Variants in FAM83G observed in about 807,000 individuals in gnomAD.
FAM83G encodes the protein protein FAM83G.
FAM83G carries 38 observed loss-of-function variants against 61.5 expected under a neutral mutation model. The observed-to-expected ratio is 0.62, with a 90% CI of 0.48 to 0.81. The LOEUF (loss-of-function observed/expected upper bound fraction) is 0.81. Among genes scored for constraint, FAM83G ranks in the 30% least tolerant of loss-of-function variants. The pLI is 0.00. For missense variants in FAM83G, 989 were observed against 1,133.6 expected, an observed-to-expected ratio of 0.87 and a Z score of 1.83; for synonymous variants, 470 against 476.1, an observed-to-expected ratio of 0.99 and a Z score of 0.17.
In FAM83G at chr17:18,971,508, C is replaced by A. The variant is rs1187543761; in HGVS notation, c.2323G>T (p.Ala775Ser). 1.2e-6 allele frequency: 2 copies of A among 1,614,004 alleles called. No individual in the cohort carries two copies. Among genetic ancestry groups the A allele is most frequent in the East Asian group, 2.2e-5 (1 of 44,878 alleles). ...QNARPMTDGRATEEHPSPFGI... is the reference protein window; with the variant it reads ...QNARPMTDGRSTEEHPSPFGI... ...AAGGGACTCGGATGCTCCTCGGTGG[C>A]CCTGCCATCGGTCATGGGGCGGGCA... is the stretch of plus-strand genomic sequence containing the variant. The change falls in exon 6 of 6, where the codon GCC becomes TCC. Residue 775 changes from alanine (A) to serine (S), a missense_variant. By Grantham distance (99) the Ala-to-Ser change is moderately conservative (BLOSUM62 1). Transcript: ENST00000388995. This position sits in a 1 kb window ranked among gnomAD's most constrained non-coding sequence, Gnocchi z 5.5.
chr17:18,971,175 TTG>T lies in FAM83G; in HGVS notation c.*182_*183del. 1 of 1,614,044 alleles carries T rather than the reference TTG, an allele frequency of 6.2e-7. No homozygotes were observed. Among genetic ancestry groups the T allele is most frequent in the Non-Finnish European group, 8.5e-7 (1 of 1,180,032 alleles). On this transcript the variant is annotated 3_prime_UTR_variant, in exon 6 of 6. Transcript: ENST00000388995. This position sits in a 1 kb window ranked among gnomAD's most constrained non-coding sequence, Gnocchi z 5.5. ...GACCTGCCGTGGACCGGGATGACCT[TTG>T]GCCTGACCATCATGGCCACCTGGTA...
Position 18,977,896 on chromosome 17 carries a change from G to A in FAM83G, c.1770C>T (p.Leu590=), listed in dbSNP as rs775766698. 2.5e-6 allele frequency: 4 copies of A among 1,610,892 alleles called. No individual in the cohort carries two copies. Among genetic ancestry groups the A allele is most frequent in the Admixed American group, 1.7e-5 (1 of 60,010 alleles). ...TGCCTGAGTGGCTGTCCTGGTCACT[G>A]AGGGTTACGTAGTCGTCATCATCTT... The part of the protein sequence containing the change: ...EEEDDDDYVT[L]SDQDSHSGSS... The change falls in exon 5 of 6, where the codon CTC becomes CTT. Residue 590 remains leucine (L), a synonymous_variant. Coordinates refer to ENST00000388995, the MANE Select transcript of FAM83G (RefSeq NM_001039999.3).
chr17:18,991,513 G>C (rs892439211), intron 2 of FAM83G, among the ~76,000 whole-genome samples: 2 of 152,170 alleles, frequency 1.3e-5, no homozygotes, highest in Non-Finnish European at 2.9e-5. Flanking sequence ...GGAAATGAGA[G>C]GGGAGGCTGA....
At chr17:18,981,906 G>A (rs1231473885) in intron 3 of FAM83G, among the ~76,000 whole-genome samples, 2 of 152,210 alleles carry the variant, frequency 1.3e-5, no homozygotes, top group African/African-American at 4.8e-5. Context: ...CAAAGATCCT[G>A]GAGGTGGTAC....
At position 18,971,054 on chromosome 17, in the gene FAM83G, T is replaced by G. The variant is rs575765388; in HGVS notation, c.*305A>C. On this transcript the variant is annotated 3_prime_UTR_variant, in exon 6 of 6. Transcript: ENST00000388995. This position sits in a 1 kb window ranked among gnomAD's most constrained non-coding sequence, Gnocchi z 5.5. ...TGGTTACGGGCAGCTGGAGGCAGCC[T>G]ACGCCCAGGCCATTCCCTCCAGGAC... 3.0e-5 allele frequency: 49 copies of G among 1,613,998 alleles called. No homozygotes were observed. In the East Asian group the frequency reaches 1.0e-3, roughly 34 times the overall value.
In FAM83G at chr17:18,988,103, G is replaced by A. The variant is rs1323465649; in HGVS notation, c.690+144C>T. On this transcript the variant is annotated intron_variant, in intron 3 of 5. Transcript: ENST00000388995. ...GAATTCAAGCAGTGGCTATGTGACTGCTTGGCAGGAGGCTCTAGGATTACT... is the reference window on the plus strand; with the variant it reads ...GAATTCAAGCAGTGGCTATGTGACTACTTGGCAGGAGGCTCTAGGATTACT... The A allele has an allele frequency of 3.1e-6, 4 of 1,271,736 alleles. No homozygotes were observed. In the African/African-American group the frequency reaches 4.5e-5, roughly 14 times the overall value. 78.8% of individuals were successfully genotyped at this position (1,271,736 alleles called of 1,614,324 possible).
At position 18,987,442 on chromosome 17, in the gene FAM83G, A is replaced by G. The variant is rs141359735; in HGVS notation, c.690+805T>C. Among the ~76,000 whole-genome samples the G allele has an allele frequency of 2.8e-4, 42 of 152,342 alleles. No individual in the cohort carries two copies. In the East Asian group the frequency reaches 7.9e-3, roughly 29 times the overall value. ...TCATCACGCACGCTCATCTGCTCTC[A>G]GGGAAATGCTCTGCACGCAGCAGGT... On this transcript the variant is annotated intron_variant, in intron 3 of 5. Transcript: ENST00000388995.
At chr17:18,993,103 C>CCA (rs2043469928) in intron 2 of FAM83G, among the ~76,000 whole-genome samples, 1 of 152,168 alleles carries the variant, frequency 6.6e-6, no homozygotes, top group Non-Finnish European at 1.5e-5. Flanking sequence ...TGGTGGGAAA[C>CCA]CACGGGTGCA....
In FAM83G at chr17:18,968,967, G is replaced by C. The variant is rs936334519; in HGVS notation, c.*2392C>G. 4.5e-6 allele frequency: 6 copies of C among 1,341,726 alleles called. No homozygotes were observed. The highest frequency in any genetic ancestry group is 2.2e-5 in the Admixed American group (1 of 45,052). 83.1% of individuals were successfully genotyped at this position (1,341,726 alleles called of 1,614,324 possible). On this transcript the variant is annotated 3_prime_UTR_variant, in exon 6 of 6. Transcript: ENST00000388995. This position sits in a 1 kb window ranked among gnomAD's most constrained non-coding sequence, Gnocchi z 4.1. ...TATCCACAGGCCACCGAGGCCCAGA[G>C]AGGGCCTTGCCCGAGGTCACCCAGG...
intron 3 of FAM83G, among the ~76,000 whole-genome samples, chr17:18,983,825 C>A (rs2043197148): frequency 6.6e-6 from 1 of 152,178 alleles, no homozygotes; most frequent in Non-Finnish European, 1.5e-5. Context: ...AGGGGCAGGG[C>A]CAGCCTAGCT....
Position 18,968,950 on chromosome 17 carries a change from G to C in FAM83G, c.*2409C>G. 3 of 1,127,646 alleles carry C rather than the reference G, an allele frequency of 2.7e-6. No homozygotes were observed. Among genetic ancestry groups the C allele is most frequent in the Non-Finnish European group, 3.7e-6 (3 of 802,810 alleles). 69.9% of individuals were successfully genotyped at this position (1,127,646 alleles called of 1,614,324 possible). ...TGGGGGTCTCCCCTCCTTATCCACA[G>C]GCCACCGAGGCCCAGAGAGGGCCTT... On this transcript the variant is annotated 3_prime_UTR_variant, in exon 6 of 6. Coordinates refer to ENST00000388995, the MANE Select transcript of FAM83G (RefSeq NM_001039999.3). The surrounding 1 kb of genome is among the most constrained non-coding windows in gnomAD (Gnocchi z 4.1).
At position 18,978,831 on chromosome 17, in the gene FAM83G, G is replaced by A. The variant is rs58145896; in HGVS notation, c.835C>T (p.Arg279Trp). The change falls in exon 5 of 6, where the codon CGG becomes TGG. Residue 279 changes from arginine to tryptophan, a missense_variant. This residue lies in a region of FAM83G where 371 missense variants were observed against 404.5 expected (regional missense o/e 0.92). Coordinates refer to ENST00000388995, the MANE Select transcript of FAM83G (RefSeq NM_001039999.3). Reference sequence around the variant, plus strand: ...ACAGAGATCACATTCCGGTCCGTCCGCGCGGCCGACCACGTGAAGCTGCAA... The same window carrying A: ...ACAGAGATCACATTCCGGTCCGTCCACGCGGCCGACCACGTGAAGCTGCAA... Reference protein sequence around the residue: ...GSYSFTWSAARTDRNVISVLS... With the variant: ...GSYSFTWSAAWTDRNVISVLS... 5.0e-6 allele frequency: 8 copies of A among 1,612,122 alleles called. No homozygotes were observed. Among genetic ancestry groups the A allele is most frequent in the East Asian group, 2.2e-5 (1 of 44,854 alleles).
rs1423105170 is a variant in FAM83G at position 19,003,717 on chromosome 17, T to C, written c.325A>G (p.Ile109Val). Reference protein sequence around the residue: ...EEASGADGVPIEAEPLPSLEY... With the variant: ...EEASGADGVPVEAEPLPSLEY... Reference sequence around the variant, plus strand: ...AGGGAGGGCAGCGGCTCGGCCTCGATGGGGACCCCATCCGCCCCGCTGGCT... The same window carrying C: ...AGGGAGGGCAGCGGCTCGGCCTCGACGGGGACCCCATCCGCCCCGCTGGCT... The change falls in exon 2 of 6, where the codon ATC becomes GTC. Residue 109 changes from isoleucine (I) to valine (V), a missense_variant. Physicochemically the swap from Ile to Val is conservative, Grantham distance 29. Coordinates refer to ENST00000388995, the MANE Select transcript of FAM83G (RefSeq NM_001039999.3). The surrounding 1 kb of genome is among the most constrained non-coding windows in gnomAD (Gnocchi z 4.5). 6.2e-7 allele frequency: 1 copy of C among 1,605,532 alleles called. No homozygotes were observed. Among genetic ancestry groups the C allele is most frequent in the Admixed American group, 1.7e-5 (1 of 59,320 alleles).
At chr17:18,993,572 G>A (rs1567801367) in intron 2 of FAM83G, among the ~76,000 whole-genome samples, 1 of 152,182 alleles carries the variant, frequency 6.6e-6, no homozygotes, top group African/African-American at 2.4e-5. Context: ...CCAGGCAGGT[G>A]GAGGACAGAT....
intron 3 of FAM83G, among the ~76,000 whole-genome samples, chr17:18,985,020 C>T (rs2043234392): frequency 2.0e-5 from 3 of 152,200 alleles, no homozygotes; most frequent in South Asian, 2.1e-4. Context: ...AACAGGGCAG[C>T]GTTTCGAGAG....
In FAM83G at chr17:19,003,327, C is replaced by G. The variant is rs2043779678; in HGVS notation, c.522+193G>C. Among the ~76,000 whole-genome samples the G allele has an allele frequency of 6.6e-6, 1 of 151,982 alleles. No homozygotes were observed. The highest frequency in any genetic ancestry group is 2.1e-4 in the South Asian group (1 of 4,816). ...TGTCACCTGCTAGGACCTGGGAACCCTACCCTGCAAAGAAACTGCGGATCC... is the reference window on the plus strand; with the variant it reads ...TGTCACCTGCTAGGACCTGGGAACCGTACCCTGCAAAGAAACTGCGGATCC... On this transcript the variant is annotated intron_variant, in intron 2 of 5. Transcript: ENST00000388995. The surrounding 1 kb of genome is among the most constrained non-coding windows in gnomAD (Gnocchi z 4.5).
chr17:18,971,290 T>G lies in FAM83G; in HGVS notation c.*69A>C. 6.2e-7 allele frequency: 1 copy of G among 1,609,772 alleles called. No homozygotes were observed. Among genetic ancestry groups the G allele is most frequent in the Non-Finnish European group, 8.5e-7 (1 of 1,177,118 alleles). On this transcript the variant is annotated 3_prime_UTR_variant, in exon 6 of 6. Transcript: ENST00000388995. This position sits in a 1 kb window ranked among gnomAD's most constrained non-coding sequence, Gnocchi z 5.5. ...TGGGCTCTGGTAGGCCCAGGCGGCC[T>G]GTCTGCCCTCCGCGTCATGAGTCTG...
At chr17:18,979,472 G>C in intron 4 of FAM83G, 77 bp downstream of exon 4, 1 of 1,555,966 alleles carries the variant, frequency 6.4e-7, no homozygotes, top group South Asian at 1.2e-5. Context: ...GAATAACCAG[G>C]GTTAGGATTA....
At chr17:19,001,189 C>T (rs1036810213) in intron 2 of FAM83G, among the ~76,000 whole-genome samples, 27 of 152,250 alleles carry the variant, frequency 1.8e-4, no homozygotes, top group African/African-American at 6.5e-4. Context: ...CCTGCCCACA[C>T]ATGCCACACA....
Sources: allele counts gnomAD v4.1 joint callset (sites outside exome capture counted in the v4.1 genomes callset), GRCh38; gene constraint gnomAD v4.1.1; regional missense constraint gnomAD v4.1.1; non-coding constraint Gnocchi (gnomAD v3.1); transcripts MANE v1.5; gene names NCBI Gene and HGNC (gene_info 2026-07-23, HGNC 2026-07-21).